The following PRKAR2A variants were observed in gnomAD, a reference collection of about 807,000 sequenced individuals.
The protein encoded by PRKAR2A is protein kinase cAMP-dependent type II regulatory subunit alpha, also known as cAMP-dependent protein kinase type II-alpha regulatory subunit.
A neutral mutation model predicts 51.9 loss-of-function variants in PRKAR2A; 29 were observed. The observed-to-expected ratio is 0.56, with a 90% CI of 0.42 to 0.76. The LOEUF is 0.76. Among genes scored for constraint, PRKAR2A ranks in the 30% least tolerant of loss-of-function variants. The probability of loss-of-function intolerance (pLI) is 0.00; values close to 1 mark genes in which losing one functional copy is unlikely to be tolerated. For missense variants in PRKAR2A, 445 were observed against 512.1 expected, an observed-to-expected ratio of 0.87 and a Z score of 1.26; for synonymous variants, 178 against 186.2, an observed-to-expected ratio of 0.96 and a Z score of 0.36.
chr3:48,769,077 A>T (rs1271053588), intron 6 of PRKAR2A, among the ~76,000 whole-genome samples: 1 of 151,824 alleles, frequency 6.6e-6, no homozygotes. Context: ...TCCAGCCTGG[A>T]TGACAGAGCA....
At chr3:48,815,195 T>A (rs1160012892) in intron 1 of PRKAR2A, among the ~76,000 whole-genome samples, 2 of 152,042 alleles carry the variant, frequency 1.3e-5, no homozygotes, top group Non-Finnish European at 1.5e-5. Flanking sequence ...ATTACACGCG[T>A]TAGCCACTGC....
intron 5 of PRKAR2A, among the ~76,000 whole-genome samples, chr3:48,774,288 T>G (rs557222860): frequency 1.3e-5 from 2 of 152,274 alleles, no homozygotes; most frequent in African/African-American, 4.8e-5. Context: ...CAGTATCATT[T>G]CATGTCCTCT....
At chr3:48,764,913 C>G (rs916554889) in intron 8 of PRKAR2A, 91 bp downstream of exon 8, 2 of 1,190,238 alleles carry the variant, frequency 1.7e-6, no homozygotes, top group South Asian at 2.6e-5. Flanking sequence ...GCGTGAGCCA[C>G]TGCGTCCGGC....
intron 3 of PRKAR2A, among the ~76,000 whole-genome samples, chr3:48,792,655 T>C (rs544186904): frequency 8.6e-5 from 13 of 151,092 alleles, no homozygotes; most frequent in East Asian, 3.9e-4. Flanking sequence ...GAGACAAGGT[T>C]TCGCCATGTT....
chr3:48,836,662 T>G (rs915868701), intron 1 of PRKAR2A, among the ~76,000 whole-genome samples: 2 of 151,284 alleles, frequency 1.3e-5, no homozygotes, highest in Non-Finnish European at 2.9e-5. Flanking sequence ...ATTAAAAACA[T>G]TTGTGCTTCA....
At chr3:48,792,455 CTTTT>C (rs983032500) in intron 3 of PRKAR2A, among the ~76,000 whole-genome samples, 72 of 66,816 alleles carry the variant, frequency 1.1e-3, no homozygotes, top group Non-Finnish European at 1.8e-3. Context: ...AAGGTTTAAT[CTTTT>C]TTTTTTTTTT....
Position 48,847,442 on chromosome 3 carries a change from G to A in PRKAR2A, c.155C>T (p.Ala52Val). Reference sequence around the variant, plus strand: ...GCCCAGGCTCTGGCGTGGGGTGGCGGCGGGCAGGACTGAGGCTGGGGCGCG... The same window carrying A: ...GCCCAGGCTCTGGCGTGGGGTGGCGACGGGCAGGACTGAGGCTGGGGCGCG... ...EARAPASVLP[A>V]ATPRQSLGHP... Residue 52 changes from alanine to valine, a missense_variant, in exon 1 of 11, where the codon GCC (alanine) becomes GTC (valine). Physicochemically the swap from Ala to Val is moderately conservative, Grantham distance 64. Transcript: ENST00000265563. This position sits in a 1 kb window ranked among gnomAD's most constrained non-coding sequence, Gnocchi z 4.4. 6 of 1,580,230 alleles carry A rather than the reference G, an allele frequency of 3.8e-6. No individual in the cohort carries two copies. Among genetic ancestry groups the A allele is most frequent in the Non-Finnish European group, 5.2e-6 (6 of 1,163,100 alleles).
chr3:48,798,858 A>G (rs1157428988), intron 2 of PRKAR2A, among the ~76,000 whole-genome samples: 1 of 151,830 alleles, frequency 6.6e-6, no homozygotes, highest in Non-Finnish European at 1.5e-5. Flanking sequence ...ATGGGGTTTC[A>G]TCATGTCGGC....
intron 2 of PRKAR2A, among the ~76,000 whole-genome samples, chr3:48,797,693 T>C (rs2082517755): frequency 6.6e-6 from 1 of 151,972 alleles, no homozygotes; most frequent in Non-Finnish European, 1.5e-5. Flanking sequence ...AGAGAAAAAT[T>C]AGGGGGGATA....
chr3:48,815,845 C>T (rs2082865932), intron 1 of PRKAR2A, among the ~76,000 whole-genome samples: 1 of 151,290 alleles, frequency 6.6e-6, no homozygotes, highest in South Asian at 2.1e-4. Flanking sequence ...ATGGTGAAAC[C>T]CCATCTCTAC....
At chr3:48,801,596 ATTTTATTTTG>A (rs914679626) in intron 2 of PRKAR2A, among the ~76,000 whole-genome samples, 11 of 151,684 alleles carry the variant, frequency 7.3e-5, no homozygotes, top group Non-Finnish European at 1.3e-4. Flanking sequence ...GCTTTATTTT[ATTTTATTTTG>A]TTTTATTTTG....
chr3:48,793,114 T>A (rs149244184), intron 3 of PRKAR2A, among the ~76,000 whole-genome samples: 1 of 151,626 alleles, frequency 6.6e-6, no homozygotes, highest in Middle Eastern at 3.4e-3. Context: ...CAAATAAATA[T>A]ATATATTTCA....
intron 1 of PRKAR2A, among the ~76,000 whole-genome samples, chr3:48,830,497 A>C (rs2083171351): frequency 6.6e-6 from 1 of 152,184 alleles, no homozygotes; most frequent in Non-Finnish European, 1.5e-5. Flanking sequence ...AATGATTAAA[A>C]GTACAGTATA....
intron 8 of PRKAR2A, among the ~76,000 whole-genome samples, chr3:48,759,742 G>C (rs996712490): frequency 6.6e-6 from 1 of 152,160 alleles, no homozygotes; most frequent in Non-Finnish European, 1.5e-5. Flanking sequence ...CTCACAGAAA[G>C]AACATTCCAT....
At chr3:48,755,260 T>C (rs972111584) in intron 9 of PRKAR2A, among the ~76,000 whole-genome samples, 4 of 152,010 alleles carry the variant, frequency 2.6e-5, no homozygotes, top group African/African-American at 9.7e-5. Flanking sequence ...CCTCCTAAAG[T>C]GCTGGGATTA....
At chr3:48,784,524 T>A (rs1005358012) in intron 4 of PRKAR2A, among the ~76,000 whole-genome samples, 7 of 152,206 alleles carry the variant, frequency 4.6e-5, no homozygotes, top group African/African-American at 7.2e-5. Context: ...TCATGTTCAA[T>A]ACAGACCAAA....
At chr3:48,773,929 A>G (rs1324672014) in intron 5 of PRKAR2A, among the ~76,000 whole-genome samples, 1 of 145,980 alleles carries the variant, frequency 6.9e-6, no homozygotes, top group East Asian at 2.1e-4. Context: ...CTCTCACCTC[A>G]GCCCCCTAGC....
intron 10 of PRKAR2A, 144 bp downstream of exon 10, chr3:48,752,032 C>A (rs2081656410): frequency 1.1e-6 from 1 of 915,602 alleles, no homozygotes; most frequent in Admixed American, 2.9e-5. Flanking sequence ...CTGAAAGCAT[C>A]CATTCATCCA....
intron 2 of PRKAR2A, among the ~76,000 whole-genome samples, chr3:48,797,702 T>C (rs2082518073): frequency 6.6e-6 from 1 of 152,106 alleles, no homozygotes; most frequent in Non-Finnish European, 1.5e-5. Context: ...TTAGGGGGGA[T>C]AGAGTTAAGA....
Sources: allele counts gnomAD v4.1 joint callset (sites outside exome capture counted in the v4.1 genomes callset), GRCh38; gene constraint gnomAD v4.1.1; non-coding constraint Gnocchi (gnomAD v3.1); transcripts MANE v1.5; gene names NCBI Gene and HGNC (gene_info 2026-07-23, HGNC 2026-07-21).